The following MYH3 variants were observed in gnomAD, a reference collection of about 807,000 sequenced individuals.
MYH3 encodes the protein myosin-3.
MYH3 carries 130 observed loss-of-function variants against 238.0 expected under a neutral mutation model. The observed-to-expected ratio is 0.55, with a 90% CI of 0.47 to 0.63. MYH3 has a LOEUF of 0.63. Ranked by LOEUF, MYH3 falls within the 30% of genes least tolerant of loss-of-function variation. The pLI, the probability that MYH3 is intolerant of heterozygous loss-of-function variation, is 0.00. For missense variants in MYH3, 1,853 were observed against 2,374.9 expected (o/e 0.78, Z 4.57); for synonymous variants, 880 against 924.1 (o/e 0.95, Z 0.86).
intron 19 of MYH3, 69 bp from the exon 20 acceptor site, chr17:10,640,755 C>A: frequency 6.4e-7 from 1 of 1,566,086 alleles, no homozygotes; most frequent in South Asian, 1.1e-5. Flanking sequence ...ACATGTAGTT[C>A]AGGCCTCTCT....
At chr17:10,666,412 T>C in the MYH3 span, among the ~76,000 whole-genome samples, 1 of 102,490 alleles carries the variant, frequency 9.8e-6, no homozygotes, top group Non-Finnish European at 2.3e-5. Flanking sequence ...AGACCTTGTC[T>C]CTACAAAAAA....
At chr17:10,636,685 G>A (rs1207192818) in intron 28 of MYH3, among the ~76,000 whole-genome samples, 1 of 152,160 alleles carries the variant, frequency 6.6e-6, no homozygotes, top group South Asian at 2.1e-4. Flanking sequence ...GGAGGCCGAC[G>A]CAGGCGGATC....
chr17:10,654,724 C>T lies in MYH3; in HGVS notation c.204+137G>A. 1 of 837,764 alleles carries T rather than the reference C, an allele frequency of 1.2e-6. No homozygotes were observed. Among genetic ancestry groups the T allele is most frequent in the Non-Finnish European group, 2.1e-6 (1 of 480,994 alleles). The allele number at this position is 837,764 out of a possible 1,614,324, so 51.9% of individuals were successfully genotyped here. On this transcript the variant is annotated intron_variant, in intron 3 of 40. Coordinates refer to ENST00000583535, the MANE Select transcript of MYH3 (RefSeq NM_002470.4). The surrounding 1 kb of genome is among the most constrained non-coding windows in gnomAD (Gnocchi z 4.5). ...GCTTTCTCTGAGGATACCTGGGAAG[C>T]CCCAGGCTACATTGTATGCGGCATT...
chr17:10,631,532 C>T (rs1167988993), intron 36 of MYH3, 79 bp downstream of exon 36: 27 of 1,605,546 alleles, frequency 1.7e-5, no homozygotes, highest in Non-Finnish European at 2.3e-5. Context: ...TGGGGGAGAC[C>T]GCACCTGTCT....
At chr17:10,630,030 T>C in intron 38 of MYH3, 62 bp downstream of exon 38, 1 of 1,605,236 alleles carries the variant, frequency 6.2e-7, no homozygotes, top group Non-Finnish European at 8.5e-7. Flanking sequence ...TTTCTTCCTG[T>C]GGTTTGATGG....
Position 10,654,786 on chromosome 17 carries a change from G to T in MYH3, c.204+75C>A. The T allele has an allele frequency of 1.5e-6, 2 of 1,361,522 alleles. No homozygotes were observed. Among genetic ancestry groups the T allele is most frequent in the Non-Finnish European group, 2.1e-6 (2 of 949,404 alleles). 84.3% of individuals were successfully genotyped at this position (1,361,522 alleles called of 1,614,324 possible). A position where few individuals can be genotyped will look rare whatever the true frequency, so the allele number is the denominator to read the frequency against. Reference sequence around the variant, plus strand: ...ACCACATCTGGAAGTGGCTGGGGTTGGGCAGATGCATACCCCAGGCAAGCA... The same window carrying T: ...ACCACATCTGGAAGTGGCTGGGGTTTGGCAGATGCATACCCCAGGCAAGCA... On this transcript the variant is annotated intron_variant, in intron 3 of 40. Transcript: ENST00000583535. The surrounding 1 kb of genome is among the most constrained non-coding windows in gnomAD (Gnocchi z 4.5).
At position 10,635,392 on chromosome 17, in the gene MYH3, G is replaced by A. The variant is rs772610621; in HGVS notation, c.4147C>T (p.Arg1383Cys). ...RTKYETDAIQRTEELEEAKKK... is the reference protein window; with the variant it reads ...RTKYETDAIQCTEELEEAKKK... Reference sequence around the variant, plus strand: ...TTGGCCTCCTCCAGCTCTTCTGTGCGCTGGATGGCGTCCGTCTCGTATTTG... The same window carrying A: ...TTGGCCTCCTCCAGCTCTTCTGTGCACTGGATGGCGTCCGTCTCGTATTTG... Residue 1383 changes from arginine (R) to cysteine (C), a missense_variant, in exon 30 of 41, where the codon CGC (arginine) becomes TGC (cysteine). Physicochemically the swap from Arg to Cys is radical, Grantham distance 180. This residue lies in a region of MYH3 where 1,044 missense variants were observed against 1,192.6 expected (regional missense o/e 0.88). Coordinates refer to ENST00000583535, the MANE Select transcript of MYH3 (RefSeq NM_002470.4). 11 of 1,613,894 alleles carry A rather than the reference G, an allele frequency of 6.8e-6. No individual in the cohort carries two copies. The highest frequency in any genetic ancestry group is 4.0e-5 in the African/African-American group (3 of 74,928).
the MYH3 span, among the ~76,000 whole-genome samples, chr17:10,664,213 C>G: frequency 6.6e-6 from 1 of 152,048 alleles, no homozygotes; most frequent in Non-Finnish European, 1.5e-5. Flanking sequence ...ATTGCTAGCA[C>G]ATTTTCGTCT....
Position 10,647,287 on chromosome 17 carries a change from C to T in MYH3, c.800-7G>A, listed in dbSNP as rs2074330655. ...CTTGATTTTTCCAGAAGATCTGGAA[C>T]ACAAACACAGGACTCTCTTTCAAAC... On this transcript the variant is annotated splice_region_variant and splice_polypyrimidine_tract_variant and intron_variant, in intron 9 of 40. Transcript: ENST00000583535. 2 of 1,613,696 alleles carry T rather than the reference C, an allele frequency of 1.2e-6. No homozygotes were observed. The highest frequency in any genetic ancestry group is 1.7e-6 in the Non-Finnish European group (2 of 1,179,548).
In MYH3 at chr17:10,632,794, A is replaced by G. The variant is rs2142384696; in HGVS notation, c.4648-10T>C. On this transcript the variant is annotated splice_polypyrimidine_tract_variant and intron_variant, in intron 33 of 40. Coordinates refer to ENST00000583535, the MANE Select transcript of MYH3 (RefSeq NM_002470.4). ...CATGCTCAAGAGCAGCCTTTAAGAA[A>G]CAAAAGCAAATCAAATAGTGTCTGT... 1 of 1,614,186 alleles carries G rather than the reference A, an allele frequency of 6.2e-7. No individual in the cohort carries two copies. The highest frequency in any genetic ancestry group is 2.2e-5 in the East Asian group (1 of 44,880).
At chr17:10,662,073 G>A (rs1474141157), upstream of MYH3, among the ~76,000 whole-genome samples, 1 of 151,392 alleles carries the variant, frequency 6.6e-6, no homozygotes, top group Non-Finnish European at 1.5e-5. Flanking sequence ...CCAGGCTGGA[G>A]TGCAGTGCCA....
At position 10,638,329 on chromosome 17, in the gene MYH3, C is replaced by G. The variant is rs1346509006; in HGVS notation, c.3443G>C (p.Ser1148Thr). The change falls in exon 27 of 41, where the codon AGC (serine) becomes ACC (threonine). Residue 1148 changes from serine (S) to threonine (T), a missense_variant. Physicochemically the swap from Ser to Thr is moderately conservative, Grantham distance 58 (BLOSUM62 1). This residue lies in a region of MYH3 where 1,044 missense variants were observed against 1,192.6 expected (regional missense o/e 0.88). Transcript: ENST00000583535. The stretch of plus-strand genomic sequence containing the variant: ...GCCTCCCGCCTCCTCCAGCCGCTCG[C>G]TCAGCTCCTCCAGCTCCCGGGCATA... Reference protein sequence around the residue: ...SDYARELEELSERLEEAGGVT... With the variant: ...SDYARELEELTERLEEAGGVT... 6.2e-7 allele frequency: 1 copy of G among 1,612,106 alleles called. No individual in the cohort carries two copies.
the MYH3 span, among the ~76,000 whole-genome samples, chr17:10,670,413 C>T: frequency 6.6e-6 from 1 of 152,186 alleles, no homozygotes. The surrounding 1 kb of genome is among the most constrained non-coding windows in gnomAD (Gnocchi z 7.0). Flanking sequence ...TGACACTAGA[C>T]TATTTTTCCT....
At chr17:10,675,757 C>T in the MYH3 span, 1 of 152,130 alleles carries the variant, frequency 6.6e-6, no homozygotes, top group East Asian at 1.9e-4. Flanking sequence ...CACCCAACAA[C>T]GAGGACAAAT....
intron 17 of MYH3, 136 bp from the exon 18 acceptor site, chr17:10,641,508 CTTTTTTTTTTT>C (rs541839271): frequency 3.1e-4 from 36 of 117,490 alleles, no homozygotes; most frequent in South Asian, 1.8e-3. Flanking sequence ...TTAACTCTGT[CTTTTTTTTTTT>C]TTTTTTTTTT....
upstream of MYH3, among the ~76,000 whole-genome samples, chr17:10,660,818 TAA>T (rs920307816): frequency 7.3e-5 from 11 of 150,716 alleles, no homozygotes; most frequent in African/African-American, 2.2e-4. Flanking sequence ...CTGTCTCTAC[TAA>T]AAAAAAATAC....
the MYH3 span, among the ~76,000 whole-genome samples, chr17:10,666,396 A>T: frequency 6.8e-6 from 1 of 146,492 alleles, no homozygotes; most frequent in South Asian, 2.2e-4. Context: ...CGTGGGCAAC[A>T]GAGTGAGACC....
chr17:10,664,255 T>A, the MYH3 span, among the ~76,000 whole-genome samples: 1 of 152,094 alleles, frequency 6.6e-6, no homozygotes, highest in Non-Finnish European at 1.5e-5. Context: ...GAGCATTGGT[T>A]CATCTAATGC....
intron 40 of MYH3, among the ~76,000 whole-genome samples, chr17:10,629,000 G>C (rs574140448): frequency 6.6e-6 from 1 of 152,264 alleles, no homozygotes; most frequent in South Asian, 2.1e-4. Flanking sequence ...AGTGGGACCC[G>C]CTCGCTCCTT....
Sources: gnomAD v4.1 joint callset for allele counts (sites outside exome capture counted in the v4.1 genomes callset) on GRCh38, gnomAD v4.1.1 for gene constraint, gnomAD v4.1.1 regional missense constraint, Gnocchi (gnomAD v3.1) non-coding constraint, MANE v1.5 for transcripts, NCBI Gene and HGNC (gene_info 2026-07-23, HGNC 2026-07-21) for gene names.